The following LPXN variants were observed in gnomAD, a reference collection of about 807,000 sequenced individuals.
LPXN encodes leupaxin.
LPXN carries 28 observed loss-of-function variants against 45.6 expected under a neutral mutation model. That is an observed-to-expected ratio of 0.61 (90% CI 0.45 to 0.84). The LOEUF (loss-of-function observed/expected upper bound fraction) is 0.84, where lower values mean the gene tolerates loss of function less well. Ranked by LOEUF, LPXN falls within the 40% of genes least tolerant of loss-of-function variation. The pLI, the probability that LPXN is intolerant of heterozygous loss-of-function variation, is 0.00. For synonymous variants in LPXN, 166 were observed against 169.9 expected, an observed-to-expected ratio of 0.98 and a Z score of 0.18; for missense variants, 459 against 475.0, an observed-to-expected ratio of 0.97 and a Z score of 0.31.
chr11:58,570,320 TA>T (rs969758476), intron 2 of LPXN, among the ~76,000 whole-genome samples: 2 of 149,198 alleles, frequency 1.3e-5, no homozygotes, highest in African/African-American at 2.5e-5. Context: ...AAAAAAAAAA[TA>T]AAAAAAATAA....
rs780509260 is a variant in LPXN, at chr11:58,551,154, C to T, written c.397G>A (p.Gly133Arg). 1.2e-6 allele frequency: 2 copies of T among 1,612,146 alleles called. No homozygotes were observed. Among genetic ancestry groups the T allele is most frequent in the Non-Finnish European group, 1.7e-6 (2 of 1,179,112 alleles). The change falls in exon 5 of 9, where the codon GGG becomes AGG. Residue 133 changes from glycine to arginine, a missense_variant. By Grantham distance (125) the Gly-to-Arg change is moderately radical. Coordinates refer to ENST00000395074, the MANE Select transcript of LPXN (RefSeq NM_004811.3). ...TCCTGCAATTCCTGCTCCAGACCCCCAAGCATTGAGTCCAGGGAGGCCTTG... is the reference window on the plus strand; with the variant it reads ...TCCTGCAATTCCTGCTCCAGACCCCTAAGCATTGAGTCCAGGGAGGCCTTG... ...DHKASLDSML[G>R]GLEQELQDLG...
upstream of LPXN, among the ~76,000 whole-genome samples, chr11:58,576,861 C>A (rs1358113844): frequency 6.6e-6 from 1 of 152,180 alleles, no homozygotes; most frequent in Non-Finnish European, 1.5e-5. Flanking sequence ...ACCTCCAACT[C>A]GAACTCCTGA....
chr11:58,550,064 A>G lies in LPXN; in HGVS notation c.569T>C (p.Phe190Ser), dbSNP rs773607285. 6.2e-7 allele frequency: 1 copy of G among 1,614,224 alleles called. No individual in the cohort carries two copies. The highest frequency in any genetic ancestry group is 1.1e-5 in the South Asian group (1 of 91,082). The change falls in exon 6 of 9, where the codon TTC (phenylalanine) becomes TCC (serine). Residue 190 changes from phenylalanine (F) to serine (S), a missense_variant. By Grantham distance (155) the Phe-to-Ser change is radical (BLOSUM62 -2). Transcript: ENST00000395074. ...HCKEEIGSSP[F>S]FERSGLAYCP... is the part of the protein sequence containing the mutation. ...GTAGGCCAAGCCACTCCGCTCAAAG[A>G]AGGGACTGGAGCCAATCTCTTCTTT...
rs1335321820 is a variant in LPXN, at chr11:58,529,328, T to C, written c.743-1137A>G. Among the ~76,000 whole-genome samples the C allele has an allele frequency of 5.3e-5, 8 of 152,204 alleles. No homozygotes were observed. In the South Asian group the frequency reaches 1.7e-3, roughly 32 times the overall value. ...GTACATAATTAAAAAGTGAAAAAAT[T>C]GGCCGGGCACGGTGGCTTGCACCTG... is the stretch of plus-strand genomic sequence containing the variant. On this transcript the variant is annotated intron_variant, in intron 7 of 8. Coordinates refer to ENST00000395074, the MANE Select transcript of LPXN (RefSeq NM_004811.3).
At chr11:58,570,740 T>C (rs574076365) in intron 1 of LPXN, 27 bp from the exon 2 acceptor site, 43 of 1,566,538 alleles carry the variant, frequency 2.7e-5, no homozygotes, top group South Asian at 2.6e-4. Context: ...AAGAGAATCA[T>C]GACAGAGAAT....
In LPXN at chr11:58,554,923, T is replaced by C; in HGVS notation, c.236A>G (p.Lys79Arg). 6.2e-7 allele frequency: 1 copy of C among 1,613,872 alleles called. No homozygotes were observed. The highest frequency in any genetic ancestry group is 8.5e-7 in the Non-Finnish European group (1 of 1,179,840). The change falls in exon 4 of 9, where the codon AAG becomes AGG. Residue 79 changes from lysine to arginine, a missense_variant. Coordinates refer to ENST00000395074, the MANE Select transcript of LPXN (RefSeq NM_004811.3). ...CGTTTTAGAAGGTGGTGGTGATTCC[T>C]TTGGCTCTTGGGCTTCACTATAGAG... The part of the protein sequence containing the change: ...LNVYSEAQEP[K>R]ESPPPSKTSA...
chr11:58,550,987 A>AT (rs1854031095), intron 5 of LPXN, 78 bp downstream of exon 5: 1 of 1,335,020 alleles, frequency 7.5e-7, no homozygotes, highest in Non-Finnish European at 1.0e-6. Context: ...ATCTTAAAAT[A>AT]TAAGGGGAAA....
At chr11:58,556,941 T>C (rs1009534757) in intron 3 of LPXN, among the ~76,000 whole-genome samples, 9 of 152,286 alleles carry the variant, frequency 5.9e-5, no homozygotes, top group Non-Finnish European at 1.0e-4. Context: ...AAAAGGTATA[T>C]GAAAAGGTAT....
At chr11:58,538,533 G>A (rs1180138234) in intron 7 of LPXN, among the ~76,000 whole-genome samples, 1 of 152,128 alleles carries the variant, frequency 6.6e-6, no homozygotes, top group Non-Finnish European at 1.5e-5. Context: ...GTGATGGTGA[G>A]CATTTTTTCA....
At chr11:58,561,555 T>TCGATC (rs1854378022) in intron 3 of LPXN, among the ~76,000 whole-genome samples, 1 of 152,206 alleles carries the variant, frequency 6.6e-6, no homozygotes, top group Non-Finnish European at 1.5e-5. Flanking sequence ...TTCTCACAGC[T>TCGATC]CGATCAGTCA....
upstream of LPXN, among the ~76,000 whole-genome samples, chr11:58,577,606 A>C (rs528303632): frequency 6.6e-6 from 1 of 152,386 alleles, no homozygotes; most frequent in South Asian, 2.1e-4. Context: ...CACCAACTGC[A>C]ACGGAAATTC....
At chr11:58,570,338 TA>T (rs1180816069) in intron 2 of LPXN, among the ~76,000 whole-genome samples, 2 of 151,264 alleles carry the variant, frequency 1.3e-5, no homozygotes, top group African/African-American at 2.4e-5. Context: ...ATAAAAAAAA[TA>T]AAAAAAATTT....
At chr11:58,556,206 T>C (rs1452979139) in intron 3 of LPXN, among the ~76,000 whole-genome samples, 2 of 152,046 alleles carry the variant, frequency 1.3e-5, no homozygotes, top group Admixed American at 6.5e-5. Flanking sequence ...GTGTTTATAC[T>C]GGTTATCCAA....
intron 2 of LPXN, among the ~76,000 whole-genome samples, chr11:58,569,701 A>AAT (rs1195684258): frequency 2.6e-5 from 4 of 152,152 alleles, no homozygotes; most frequent in East Asian, 1.9e-4. Flanking sequence ...AGGTTTTTAA[A>AAT]ATATATATAT....
At chr11:58,549,889 A>G in intron 6 of LPXN, 22 bp from the exon 7 acceptor site, 12 of 1,613,980 alleles carry the variant, frequency 7.4e-6, no homozygotes, top group Non-Finnish European at 1.0e-5. Context: ...ACACACAGAT[A>G]TTATAATGAT....
At chr11:58,547,461 C>G (rs915043899) in intron 7 of LPXN, among the ~76,000 whole-genome samples, 1 of 152,168 alleles carries the variant, frequency 6.6e-6, no homozygotes, top group Admixed American at 6.5e-5. Flanking sequence ...ACTGGCTGAG[C>G]CTGGAGAGCA....
At chr11:58,573,682 A>G (rs940488211) in intron 1 of LPXN, among the ~76,000 whole-genome samples, 3 of 152,164 alleles carry the variant, frequency 2.0e-5, no homozygotes, top group African/African-American at 7.2e-5. Context: ...TAATTTGAAG[A>G]TGACTAATTT....
rs17845596 is a variant in LPXN, at chr11:58,551,145, C to T, written c.406G>A (p.Glu136Lys). The T allele has an allele frequency of 1.7e-5, 28 of 1,611,398 alleles. No individual in the cohort carries two copies. The highest frequency in any genetic ancestry group is 2.4e-5 in the Non-Finnish European group (28 of 1,178,782). Reference sequence around the variant, plus strand: ...ATGCCAAGGTCCTGCAATTCCTGCTCCAGACCCCCAAGCATTGAGTCCAGG... The same window carrying T: ...ATGCCAAGGTCCTGCAATTCCTGCTTCAGACCCCCAAGCATTGAGTCCAGG... ...ASLDSMLGGL[E>K]QELQDLGIAT... is the part of the protein sequence containing the mutation. Residue 136 changes from glutamate (E) to lysine (K), a missense_variant, in exon 5 of 9, where the codon GAG becomes AAG. Glu to Lys is a moderately conservative substitution (Grantham distance 56, BLOSUM62 1). Coordinates refer to ENST00000395074, the MANE Select transcript of LPXN (RefSeq NM_004811.3).
chr11:58,576,616 T>C (rs1369404182), upstream of LPXN, among the ~76,000 whole-genome samples: 1 of 152,222 alleles, frequency 6.6e-6, no homozygotes, highest in Non-Finnish European at 1.5e-5. Context: ...AAGCAATACG[T>C]AAGGAACTAT....
Sources: gnomAD v4.1 joint callset for allele counts (sites outside exome capture counted in the v4.1 genomes callset) on GRCh38, gnomAD v4.1.1 for gene constraint, MANE v1.5 for transcripts, NCBI Gene and HGNC (gene_info 2026-07-23, HGNC 2026-07-21) for gene names.